The following TPTE2 variants were observed in gnomAD, a reference collection of about 807,000 sequenced individuals.
The protein encoded by TPTE2 is phosphatidylinositol 3,4,5-trisphosphate 3-phosphatase TPTE2.
A neutral mutation model predicts 78.6 loss-of-function variants in TPTE2; 53 were observed. That is an observed-to-expected ratio of 0.67 (90% CI 0.54 to 0.85). The LOEUF is 0.85. TPTE2 is among the 40% of genes least tolerant of loss of function. The pLI is 0.00. For missense variants in TPTE2, 461 were observed against 623.0 expected, an observed-to-expected ratio of 0.74 and a Z score of 2.77; for synonymous variants, 175 against 206.2, an observed-to-expected ratio of 0.85 and a Z score of 1.30.
upstream of TPTE2, among the ~76,000 whole-genome samples, chr13:19,506,826 G>C (rs1179808118): frequency 1.3e-5 from 2 of 152,152 alleles, no homozygotes; most frequent in South Asian, 4.1e-4. Context: ...GTGATACTTT[G>C]TTAAAGCAGC....
intron 13 of TPTE2, among the ~76,000 whole-genome samples, chr13:19,444,082 A>G (rs1433047856): frequency 6.6e-6 from 1 of 152,012 alleles, no homozygotes; most frequent in African/African-American, 2.4e-5. Context: ...AGGCTGGCAG[A>G]TAACTTGAGC....
chr13:19,559,378 C>T, the TPTE2 span, among the ~76,000 whole-genome samples: 1 of 152,178 alleles, frequency 6.6e-6, no homozygotes, highest in Admixed American at 6.5e-5. Context: ...GTCTCTGCGC[C>T]TCCCTGGCCA....
chr13:19,438,054 A>G (rs1345587249), intron 14 of TPTE2, 38 bp downstream of exon 17: 5 of 1,596,796 alleles, frequency 3.1e-6, no homozygotes, highest in Middle Eastern at 1.7e-4. Flanking sequence ...AGCAAACTCA[A>G]TCATCATAAG....
chr13:19,488,856 T>A (rs951694279), intron 3 of TPTE2, among the ~76,000 whole-genome samples: 2 of 152,212 alleles, frequency 1.3e-5, no homozygotes, highest in Non-Finnish European at 2.9e-5. Flanking sequence ...TTGTTTTTGT[T>A]TTTGTTTTAC....
chr13:19,498,023 T>C (rs1269787537), intron 1 of TPTE2, among the ~76,000 whole-genome samples: 4 of 151,272 alleles, frequency 2.6e-5, no homozygotes, highest in Non-Finnish European at 5.9e-5. Context: ...CAGGAGCCGA[T>C]GCGATCAACT....
At position 19,441,167 on chromosome 13, in the gene TPTE2, CA is replaced by C. The variant is rs201074331; in HGVS notation, c.974-3015del. Among the ~76,000 whole-genome samples, 3 of 151,490 alleles carry C rather than the reference CA, an allele frequency of 2.0e-5. No individual in the cohort carries two copies. In the East Asian group the frequency reaches 5.8e-4, roughly 29 times the overall value. The stretch of plus-strand genomic sequence containing the variant: ...TATCCTGAGCAAATTAATACAGGAA[CA>C]AAAAACCAAATACCGTATGTTCTCA... On this transcript the variant is annotated intron_variant, in intron 13 of 19. Coordinates refer to ENST00000400230, the Ensembl canonical transcript of TPTE2.
At chr13:19,465,008 A>C (rs1879173588) in intron 9 of TPTE2, among the ~76,000 whole-genome samples, 1 of 152,154 alleles carries the variant, frequency 6.6e-6, no homozygotes, top group Non-Finnish European at 1.5e-5. Flanking sequence ...AATAAATTGA[A>C]ACTCAAATGG....
In TPTE2 at chr13:19,475,579, G is replaced by A; in HGVS notation, c.224C>T (p.Ala75Val). The A allele has an allele frequency of 1.9e-6, 3 of 1,607,850 alleles. No homozygotes were observed. Among genetic ancestry groups the A allele is most frequent in the Non-Finnish European group, 2.5e-6 (3 of 1,177,862 alleles). The change falls in exon 5 of 20, where the codon GCA becomes GTA. Residue 75 changes from alanine (A) to valine (V), a missense_variant. Coordinates refer to ENST00000400230, the Ensembl canonical transcript of TPTE2. ...TTTTCTATGTCTCACATACCCAAAT[G>A]CAAAGGATGATACAATTGAATGCAC... is the stretch of plus-strand genomic sequence containing the variant.
chr13:19,530,133 A>C (rs1443105866), intron 1 of TPTE2, among the ~76,000 whole-genome samples: 1 of 152,228 alleles, frequency 6.6e-6, no homozygotes, highest in Non-Finnish European at 1.5e-5. Context: ...TATACTGAGG[A>C]AAGTACTTCA....
At chr13:19,477,221 T>C (rs117838485) in intron 4 of TPTE2, among the ~76,000 whole-genome samples, 3,729 of 149,390 alleles carry the variant, frequency 0.025, 64 homozygotes, top group Middle Eastern at 0.052. Flanking sequence ...GTGGGGAGGG[T>C]AGGAGGAGAG....
the TPTE2 span, among the ~76,000 whole-genome samples, chr13:19,549,074 T>C: frequency 0.79 from 119,060 of 150,300 alleles, 48,542 homozygotes; most frequent in East Asian, 0.96. Flanking sequence ...GAGCTGAGAT[T>C]GCCCCACTGT....
intron 1 of TPTE2, among the ~76,000 whole-genome samples, chr13:19,516,666 G>A (rs1173856978): frequency 6.6e-6 from 1 of 152,082 alleles, no homozygotes; most frequent in African/African-American, 2.4e-5. Context: ...CCCTTTTGGT[G>A]GCCATCTCTG....
chr13:19,428,363 G>A (rs183510982), intron 17 of TPTE2, among the ~76,000 whole-genome samples: 2 of 152,050 alleles, frequency 1.3e-5, no homozygotes, highest in African/African-American at 2.4e-5. Context: ...CAGGAGAATC[G>A]CTTGAACCCA....
chr13:19,512,737 C>G (rs957084946), intron 1 of TPTE2, among the ~76,000 whole-genome samples: 15 of 152,094 alleles, frequency 9.9e-5, no homozygotes, highest in African/African-American at 3.6e-4. Flanking sequence ...CACCACCATG[C>G]CCAGCTAATT....
At chr13:19,436,563 C>T (rs1303386282) in intron 14 of TPTE2, among the ~76,000 whole-genome samples, 2 of 152,134 alleles carry the variant, frequency 1.3e-5, no homozygotes, top group East Asian at 1.9e-4. Context: ...CAGGTGTGTA[C>T]CACCATGCCC....
the TPTE2 span, among the ~76,000 whole-genome samples, chr13:19,559,452 G>A: frequency 7.0e-6 from 1 of 143,238 alleles, no homozygotes; most frequent in Non-Finnish European, 1.5e-5. Flanking sequence ...TCCTACCCCC[G>A]AGGAGGCTGG....
At chr13:19,427,059 C>CT (rs56254843) in intron 17 of TPTE2, among the ~76,000 whole-genome samples, 110,521 of 124,306 alleles carry the variant, frequency 0.89, 49,940 homozygotes, top group East Asian at 1. Context: ...AACCACTTTT[C>CT]TTTTTTTTTC....
chr13:19,424,577 G>C (rs1458309038), intron 19 of TPTE2, among the ~76,000 whole-genome samples: 4 of 152,132 alleles, frequency 2.6e-5, no homozygotes, highest in Non-Finnish European at 5.9e-5. Context: ...AAAAGTTGAT[G>C]GTGGTTCGTC....
intron 15 of TPTE2, among the ~76,000 whole-genome samples, chr13:19,433,875 T>C (rs1419238702): frequency 1.3e-5 from 2 of 152,202 alleles, no homozygotes; most frequent in Non-Finnish European, 2.9e-5. Context: ...AAACTATGCA[T>C]GACTGCAGAA....
Sources: gnomAD v4.1 joint callset for allele counts (sites outside exome capture counted in the v4.1 genomes callset) on GRCh38, gnomAD v4.1.1 for gene constraint, MANE v1.5 for transcripts, NCBI Gene and HGNC (gene_info 2026-07-23, HGNC 2026-07-21) for gene names.